The following PKP4 variants were observed in gnomAD, a reference collection of about 807,000 sequenced individuals.
The protein encoded by PKP4 is plakophilin 4.
In PKP4, 90 loss-of-function variants were observed where a neutral mutation model predicts 145.1. The ratio of observed to expected loss-of-function variants is 0.62; its 90% confidence interval spans 0.52 to 0.74. The LOEUF (loss-of-function observed/expected upper bound fraction) is 0.74, where lower values mean the gene tolerates loss of function less well. PKP4 is among the 30% of genes least tolerant of loss of function. The pLI is 0.00. For missense variants in PKP4, 1,340 were observed against 1,482.7 expected (o/e 0.90, Z 1.58); for synonymous variants, 563 against 577.2 (o/e 0.98, Z 0.35).
intron 7 of PKP4, among the ~76,000 whole-genome samples, chr2:158,627,358 GTCTCCATATTTAACC>G (rs2052899898): frequency 6.6e-6 from 1 of 152,048 alleles, no homozygotes; most frequent in Admixed American, 6.6e-5. Flanking sequence ...ATAAATTATT[GTCTCCATATTTAACC>G]CTAAGAGGAC....
At chr2:158,591,701 A>G (rs2049288707) in intron 3 of PKP4, among the ~76,000 whole-genome samples, 2 of 152,128 alleles carry the variant, frequency 1.3e-5, no homozygotes, top group South Asian at 4.1e-4. Context: ...AGTAATAAAT[A>G]TTCTTTTTGA....
chr2:158,495,731 G>A (rs1416566670), intron 1 of PKP4, among the ~76,000 whole-genome samples: 2 of 151,550 alleles, frequency 1.3e-5, no homozygotes, highest in East Asian at 2.0e-4. Context: ...CTACTCAGGA[G>A]GCTGAGGCAG....
At chr2:158,677,180 G>C (rs903611519) in intron 20 of PKP4, 9 of 373,056 alleles carry the variant, frequency 2.4e-5, no homozygotes, top group Non-Finnish European at 4.7e-5. Context: ...TCCCCTCCTG[G>C]CTCGAGCAGT....
chr2:158,661,588 A>T (rs1368539950), intron 13 of PKP4, 138 bp downstream of exon 13: 6 of 618,104 alleles, frequency 9.7e-6, no homozygotes, highest in Non-Finnish European at 1.8e-5. Flanking sequence ...TCAAAGGGCA[A>T]GTCTCCAAAG....
Position 158,640,641 on chromosome 2 carries a change from G to T in PKP4, c.1577G>T (p.Arg526Leu), listed in dbSNP as rs144253065. 1.2e-6 allele frequency: 2 copies of T among 1,613,284 alleles called. No individual in the cohort carries two copies. The highest frequency in any genetic ancestry group is 1.7e-6 in the Non-Finnish European group (2 of 1,179,926). ...TTCTCATGTAGGGAGTTTGCCTGGC[G>T]TGATCCTGAGTTGCCTGAGGTCATT... The part of the protein sequence containing the change: ...IQKDPREFAW[R>L]DPELPEVIHM... Residue 526 changes from arginine to leucine, a missense_variant, in exon 10 of 22, where the codon CGT becomes CTT. Coordinates refer to ENST00000389759, the MANE Select transcript of PKP4 (RefSeq NM_003628.6).
At chr2:158,534,264 C>T (rs1047092671) in intron 2 of PKP4, among the ~76,000 whole-genome samples, 4 of 152,110 alleles carry the variant, frequency 2.6e-5, no homozygotes, top group Admixed American at 2.6e-4. Flanking sequence ...TACTATTTTT[C>T]GTAACTTGGA....
chr2:158,458,178 G>C (rs1370200256), intron 1 of PKP4: 1 of 152,936 alleles, frequency 6.5e-6, no homozygotes, highest in East Asian at 1.9e-4. Context: ...CTGGGCTGGC[G>C]ACAGATTGTG....
intron 3 of PKP4, among the ~76,000 whole-genome samples, chr2:158,596,043 C>G (rs2049708748): frequency 7.2e-6 from 1 of 139,608 alleles, no homozygotes; most frequent in Admixed American, 7.2e-5. Flanking sequence ...TTTTTTTTAA[C>G]TTAGAAATAG....
chr2:158,493,131 C>A (rs2105470253), intron 1 of PKP4, among the ~76,000 whole-genome samples: 1 of 152,100 alleles, frequency 6.6e-6, no homozygotes, highest in African/African-American at 2.4e-5. Context: ...CTCCTTATTT[C>A]TAAATAACAT....
At chr2:158,672,340 C>T (rs2057633998) in intron 17 of PKP4, among the ~76,000 whole-genome samples, 1 of 152,152 alleles carries the variant, frequency 6.6e-6, no homozygotes, top group South Asian at 2.1e-4. Flanking sequence ...TCTCATGGGT[C>T]AGGTTTCTGC....
intron 1 of PKP4, among the ~76,000 whole-genome samples, chr2:158,522,890 G>A (rs935622824): frequency 2.2e-4 from 34 of 152,296 alleles, no homozygotes; most frequent in African/African-American, 8.2e-4. Context: ...GGAAAATCGG[G>A]TCACTCCCAC....
intron 6 of PKP4, among the ~76,000 whole-genome samples, chr2:158,621,764 A>T (rs1010003148): frequency 2.6e-5 from 4 of 151,514 alleles, no homozygotes; most frequent in Non-Finnish European, 4.4e-5. Flanking sequence ...AAAAAAAAAA[A>T]GGAAAAAAAA....
intron 3 of PKP4, among the ~76,000 whole-genome samples, chr2:158,579,967 T>C (rs142469337): frequency 1.9e-3 from 293 of 152,200 alleles, no homozygotes; most frequent in Non-Finnish European, 3.5e-3. Context: ...TATTTTGGAA[T>C]GACACCAATT....
At chr2:158,476,640 T>C (rs1692518534) in intron 1 of PKP4, among the ~76,000 whole-genome samples, 1 of 152,194 alleles carries the variant, frequency 6.6e-6, no homozygotes, top group African/African-American at 2.4e-5. Context: ...CCCTGAAGAT[T>C]TTATTTGAAA....
At position 158,462,098 on chromosome 2, in the gene PKP4, A is replaced by G. The variant is rs775076683; in HGVS notation, c.-6+4880A>G. On this transcript the variant is annotated intron_variant, in intron 1 of 21. Coordinates refer to ENST00000389759, the MANE Select transcript of PKP4 (RefSeq NM_003628.6). ...AATGCAGTTTTTCATAGAAACCCAC[A>G]ATCAGTTTACAAATAGACTTTTGAA... 2.0e-5 allele frequency among the ~76,000 whole-genome samples: 3 copies of G among 152,228 alleles called. No homozygotes were observed. In the South Asian group the frequency reaches 6.2e-4, roughly 32 times the overall value.
intron 3 of PKP4, among the ~76,000 whole-genome samples, chr2:158,581,427 C>T (rs2048322759): frequency 6.6e-6 from 1 of 152,058 alleles, no homozygotes; most frequent in African/African-American, 2.4e-5. Context: ...TTTCCTGGTC[C>T]AAAGATGACA....
intron 1 of PKP4, among the ~76,000 whole-genome samples, chr2:158,506,514 G>A (rs974144991): frequency 6.6e-6 from 1 of 152,156 alleles, no homozygotes; most frequent in African/African-American, 2.4e-5. Context: ...AAAATGTTTA[G>A]ATATGTGTCA....
intron 20 of PKP4, chr2:158,677,214 G>C: frequency 2.8e-6 from 1 of 352,472 alleles, no homozygotes; most frequent in Non-Finnish European, 5.6e-6. Context: ...ACATGCATCA[G>C]AACCGTCAGC....
At chr2:158,481,068 C>A (rs1182124743) in intron 1 of PKP4, among the ~76,000 whole-genome samples, 1 of 152,014 alleles carries the variant, frequency 6.6e-6, no homozygotes, top group Non-Finnish European at 1.5e-5. Flanking sequence ...AAATTAATTT[C>A]TTTTTAAAAG....
Sources: allele counts gnomAD v4.1 joint callset (sites outside exome capture counted in the v4.1 genomes callset), GRCh38; gene constraint gnomAD v4.1.1; transcripts MANE v1.5; gene names NCBI Gene and HGNC (gene_info 2026-07-23, HGNC 2026-07-21).